The following PRDM5 variants were observed in gnomAD, a reference collection of about 807,000 sequenced individuals.
The protein encoded by PRDM5 is PR/SET domain 5, also known as PR domain zinc finger protein 5.
Under a neutral mutation model 81.2 loss-of-function variants are expected in PRDM5, and 56 were observed. The observed-to-expected ratio is 0.69, with a 90% CI of 0.56 to 0.86. The LOEUF (loss-of-function observed/expected upper bound fraction) is 0.86. PRDM5 is among the 40% of genes least tolerant of loss of function. The probability of loss-of-function intolerance (pLI) is 0.00; values close to 1 mark genes in which losing one functional copy is unlikely to be tolerated. For synonymous variants in PRDM5, 267 were observed against 256.4 expected (o/e 1.04, Z -0.39); for missense variants, 697 against 770.1 (o/e 0.91, Z 1.12).
At chr4:120,723,923 ATTTTTTTTTTT>A (rs70948360) in intron 14 of PRDM5, among the ~76,000 whole-genome samples, 14 of 81,256 alleles carry the variant, frequency 1.7e-4, no homozygotes, top group African/African-American at 5.7e-4. Flanking sequence ...GATAGCTTGA[ATTTTTTTTTTT>A]TTTTTTTTTT....
intron 7 of PRDM5, among the ~76,000 whole-genome samples, chr4:120,813,250 C>T (rs1235164146): frequency 6.6e-6 from 1 of 152,146 alleles, no homozygotes; most frequent in African/African-American, 2.4e-5. Flanking sequence ...AAATGCACCA[C>T]AATGAATAAC....
chr4:120,736,618 T>C lies in PRDM5; in HGVS notation c.1623+17935A>G, dbSNP rs530446736. On this transcript the variant is annotated intron_variant, in intron 14 of 15. Coordinates refer to ENST00000264808, the MANE Select transcript of PRDM5 (RefSeq NM_018699.4). ...TGCATCCCAGACGCCTCTTTTTTAG[T>C]ACACCTTCTATTTTACTCCACGACC... Among the ~76,000 whole-genome samples the C allele has an allele frequency of 3.9e-5, 6 of 152,320 alleles. No homozygotes were observed. The South Asian group carries it at 1.2e-3, about 32-fold the overall frequency.
In PRDM5 at chr4:120,767,655, T is replaced by C. The variant is rs1746574513; in HGVS notation, c.1537+9533A>G. Among the ~76,000 whole-genome samples, 3 of 152,344 alleles carry C rather than the reference T, an allele frequency of 2.0e-5. No individual in the cohort carries two copies. In the East Asian group the frequency reaches 5.8e-4, roughly 29 times the overall value. Reference sequence around the variant, plus strand: ...GGGAAATTTAGTAAATATAACTTAATCATTATTTCCTCTGTATGTTACTGC... The same window carrying C: ...GGGAAATTTAGTAAATATAACTTAACCATTATTTCCTCTGTATGTTACTGC... On this transcript the variant is annotated intron_variant, in intron 13 of 15. Coordinates refer to ENST00000264808, the MANE Select transcript of PRDM5 (RefSeq NM_018699.4).
At position 120,871,612 on chromosome 4, in the gene PRDM5, T is replaced by G. The variant is rs138282676; in HGVS notation, c.178-18072A>C. Among the ~76,000 whole-genome samples, 1,076 of 152,342 alleles carry G rather than the reference T, an allele frequency of 7.1e-3. 12 individuals are homozygous for G. The highest frequency in any genetic ancestry group is 0.025 in the African/African-American group (1,033 of 41,578). On this transcript the variant is annotated intron_variant, in intron 2 of 15. Coordinates refer to ENST00000264808, the MANE Select transcript of PRDM5 (RefSeq NM_018699.4). ...AAGATATTTGCATATAGGTCAATAT[T>G]AAGTCTAGTATCCTCCATCGTAAAC...
intron 2 of PRDM5, among the ~76,000 whole-genome samples, chr4:120,893,891 T>C (rs1022982610): frequency 9.9e-5 from 15 of 152,198 alleles, no homozygotes; most frequent in Admixed American, 2.0e-4. Flanking sequence ...TGTTTCATTC[T>C]TTTATTTTCA....
At chr4:120,742,281 A>C (rs942975067) in intron 14 of PRDM5, among the ~76,000 whole-genome samples, 62 of 152,344 alleles carry the variant, frequency 4.1e-4, no homozygotes, top group African/African-American at 1.5e-3. Context: ...CCATCTGTAC[A>C]TCACCATCAT....
chr4:120,717,782 T>A (rs781677377), intron 14 of PRDM5, among the ~76,000 whole-genome samples: 4 of 152,184 alleles, frequency 2.6e-5, no homozygotes, highest in Non-Finnish European at 5.9e-5. Flanking sequence ...AGTAGGTACA[T>A]AATCCAAAGA....
At chr4:120,690,054 C>T (rs960378912), downstream of PRDM5, among the ~76,000 whole-genome samples, 2 of 152,186 alleles carry the variant, frequency 1.3e-5, no homozygotes, top group African/African-American at 4.8e-5. Context: ...AGAATGAGAA[C>T]TATATAGTTT....
intron 13 of PRDM5, among the ~76,000 whole-genome samples, chr4:120,771,808 C>T (rs568819604): frequency 7.9e-5 from 12 of 152,142 alleles, no homozygotes; most frequent in East Asian, 5.8e-4. Flanking sequence ...AGGCTTGCCA[C>T]GGTATATTAA....
chr4:120,695,365 T>G, intron 15 of PRDM5, 90 bp from the exon 16 acceptor site: 4 of 1,402,304 alleles, frequency 2.9e-6, no homozygotes. Context: ...GCAAAGAAAA[T>G]TAATAAGTTA....
At chr4:120,891,728 C>G (rs1031898921) in intron 2 of PRDM5, among the ~76,000 whole-genome samples, 1 of 152,112 alleles carries the variant, frequency 6.6e-6, no homozygotes, top group East Asian at 1.9e-4. Context: ...CTTCTGGGTT[C>G]AAGTAATTCT....
At chr4:120,806,650 A>G (rs948688240) in intron 8 of PRDM5, among the ~76,000 whole-genome samples, 2 of 152,212 alleles carry the variant, frequency 1.3e-5, no homozygotes, top group Non-Finnish European at 2.9e-5. Context: ...AGCCATAGGT[A>G]GAAAGCTGAA....
chr4:120,718,576 T>A (rs1248325307), intron 14 of PRDM5, among the ~76,000 whole-genome samples: 1 of 152,170 alleles, frequency 6.6e-6, no homozygotes, highest in Non-Finnish European at 1.5e-5. Context: ...TCTGCAAAAG[T>A]GGAACATTTT....
intron 13 of PRDM5, among the ~76,000 whole-genome samples, chr4:120,756,086 C>T (rs749098329): frequency 6.6e-5 from 10 of 152,138 alleles, no homozygotes; most frequent in Non-Finnish European, 1.2e-4. Context: ...TTAGGATCAT[C>T]GTGACTCTGG....
At chr4:120,793,942 T>TAA (rs150096829) in intron 10 of PRDM5, among the ~76,000 whole-genome samples, 2 of 151,762 alleles carry the variant, frequency 1.3e-5, no homozygotes, top group Non-Finnish European at 1.5e-5. Flanking sequence ...CTTCAATAAA[T>TAA]AAAAAAATAA....
At chr4:120,802,687 A>G (rs554480510) in intron 8 of PRDM5, among the ~76,000 whole-genome samples, 2 of 152,354 alleles carry the variant, frequency 1.3e-5, no homozygotes, top group African/African-American at 4.8e-5. Flanking sequence ...AAGGATATCC[A>G]CACCAAAACC....
At chr4:120,861,516 G>A (rs1760569314) in intron 2 of PRDM5, among the ~76,000 whole-genome samples, 3 of 152,186 alleles carry the variant, frequency 2.0e-5, no homozygotes, top group Admixed American at 2.0e-4. Flanking sequence ...AGATGCTTTG[G>A]GCTGGGTGTG....
chr4:120,785,563 T>G (rs978458278), intron 10 of PRDM5, among the ~76,000 whole-genome samples: 9 of 152,186 alleles, frequency 5.9e-5, no homozygotes, highest in African/African-American at 2.2e-4. Context: ...ATTCTAGTCC[T>G]AGGTGCTGCT....
intron 15 of PRDM5, among the ~76,000 whole-genome samples, chr4:120,709,559 T>G (rs1736656734): frequency 6.6e-6 from 1 of 152,166 alleles, no homozygotes; most frequent in African/African-American, 2.4e-5. Flanking sequence ...ATGATGGATC[T>G]AAGTTCTGGA....
Sources: allele counts gnomAD v4.1 joint callset (sites outside exome capture counted in the v4.1 genomes callset), GRCh38; gene constraint gnomAD v4.1.1; transcripts MANE v1.5; gene names NCBI Gene and HGNC (gene_info 2026-07-23, HGNC 2026-07-21).